The following TMEM41B variants were observed in gnomAD, a reference collection of about 807,000 sequenced individuals.
The protein encoded by TMEM41B is transmembrane protein 41B.
TMEM41B carries 18 observed loss-of-function variants against 31.9 expected under a neutral mutation model. The observed-to-expected ratio is 0.56, with a 90% CI of 0.39 to 0.84. The LOEUF (loss-of-function observed/expected upper bound fraction) is 0.84. Among genes scored for constraint, TMEM41B ranks in the 40% least tolerant of loss-of-function variants. The pLI, the probability that TMEM41B is intolerant of heterozygous loss-of-function variation, is 0.00. For missense variants in TMEM41B, 322 were observed against 348.0 expected, an observed-to-expected ratio of 0.93 and a Z score of 0.59; for synonymous variants, 144 against 124.3, an observed-to-expected ratio of 1.16 and a Z score of -1.05.
rs777066532 is a variant in TMEM41B at position 9,288,504 on chromosome 11, A to G, written c.400T>C (p.Phe134Leu). 1.3e-6 allele frequency: 2 copies of G among 1,594,180 alleles called. No individual in the cohort carries two copies. Among genetic ancestry groups the G allele is most frequent in the Admixed American group, 3.5e-5 (2 of 56,444 alleles). The change falls in exon 4 of 7, where the codon TTT (phenylalanine) becomes CTT (leucine). Residue 134 changes from phenylalanine (F) to leucine (L), a missense_variant. Around this residue, in one of 3 missense-constraint regions of TMEM41B, gnomAD observed 183 missense variants for 175.3 expected, o/e 1.04. Transcript: ENST00000528080. ...LQTFAIPGSIFLSILSGFLYP... is the reference protein window; with the variant it reads ...LQTFAIPGSILLSILSGFLYP... The stretch of plus-strand genomic sequence containing the variant: ...AGAAACCCTGAGAGTATACTGAGAA[A>G]TATAGAGCCTGGAATAGCAAATGTT...
rs1401210649 is a variant in TMEM41B at position 9,295,290 on chromosome 11, C to T, written c.337G>A (p.Val113Ile). The change falls in exon 3 of 7, where the codon GTA becomes ATA. Residue 113 changes from valine to isoleucine, a missense_variant. Coordinates refer to ENST00000528080, the MANE Select transcript of TMEM41B (RefSeq NM_015012.4). Reference sequence around the variant, plus strand: ...TATGTAGCAAAATAAGCTACAAGTACTTGAACATAAAAGGTGTCCTTGTAT... The same window carrying T: ...TATGTAGCAAAATAAGCTACAAGTATTTGAACATAAAAGGTGTCCTTGTAT... ...SKYKDTFYVQ[V>I]LVAYFATYIF... is the part of the protein sequence containing the mutation. 1 of 1,584,262 alleles carries T rather than the reference C, an allele frequency of 6.3e-7. No individual in the cohort carries two copies. The highest frequency in any genetic ancestry group is 8.6e-7 in the Non-Finnish European group (1 of 1,160,174).
chr11:9,295,117 AT>A (rs1853051943), intron 3 of TMEM41B, 141 bp downstream of exon 3: 1 of 1,057,542 alleles, frequency 9.5e-7, no homozygotes, highest in African/African-American at 1.7e-5. Flanking sequence ...ATTTTTTTCC[AT>A]TTTAATTTTT....
At position 9,299,665 on chromosome 11, in the gene TMEM41B, G is replaced by A. The variant is rs989467311; in HGVS notation, c.158C>T (p.Ser53Leu). ...GAAAATGGACACCAATATAAGGAGT[G>A]ACATTCTTGCTGATCCAGCTTCTAC... Reference protein sequence around the residue: ...SWVEAGSARMSLLILVSIFLS... With the variant: ...SWVEAGSARMLLLILVSIFLS... Residue 53 changes from serine (S) to leucine (L), a missense_variant, in exon 2 of 7, where the codon TCA becomes TTA. By Grantham distance (145) the Ser-to-Leu change is moderately radical. This residue lies in a region of TMEM41B where 183 missense variants were observed against 175.3 expected (regional missense o/e 1.04). Coordinates refer to ENST00000528080, the MANE Select transcript of TMEM41B (RefSeq NM_015012.4). The A allele has an allele frequency of 6.2e-7, 1 of 1,612,950 alleles. No homozygotes were observed. The highest frequency in any genetic ancestry group is 8.5e-7 in the Non-Finnish European group (1 of 1,179,790).
intron 1 of TMEM41B, among the ~76,000 whole-genome samples, chr11:9,313,127 T>A (rs1398549380): frequency 1.3e-5 from 2 of 152,162 alleles, no homozygotes; most frequent in Non-Finnish European, 2.9e-5. Context: ...TGGAATATTG[T>A]CACCCTCAGT....
intron 6 of TMEM41B, among the ~76,000 whole-genome samples, chr11:9,285,652 TTTG>T (rs1852819815): frequency 6.6e-6 from 1 of 152,072 alleles, no homozygotes; most frequent in African/African-American, 2.4e-5. Flanking sequence ...AGCAAGAAAG[TTTG>T]TTGATCCTTG....
intron 1 of TMEM41B, among the ~76,000 whole-genome samples, chr11:9,303,642 T>C (rs1364874271): frequency 7.0e-6 from 1 of 143,806 alleles, no homozygotes; most frequent in African/African-American, 2.6e-5. Context: ...GTCCCTATTA[T>C]TCTTTTTCTT....
At chr11:9,311,151 G>A in intron 1 of TMEM41B, 1 of 1,062,562 alleles carries the variant, frequency 9.4e-7, no homozygotes, top group Non-Finnish European at 1.3e-6. Flanking sequence ...TCAACAGCAG[G>A]GTGAAGCTCA....
At chr11:9,286,046 C>G (rs960096222) in intron 6 of TMEM41B, among the ~76,000 whole-genome samples, 7 of 152,034 alleles carry the variant, frequency 4.6e-5, no homozygotes, top group Non-Finnish European at 8.8e-5. Context: ...ACCCGGGAGG[C>G]GGAGATTGCA....
chr11:9,286,942 A>G (rs4644643), intron 5 of TMEM41B, among the ~76,000 whole-genome samples: 144,085 of 152,020 alleles, frequency 0.95, 68,726 homozygotes, highest in East Asian at 1. Context: ...AGAGGTTGCA[A>G]TGAGCCAAGA....
rs996298444 is a variant in TMEM41B, at chr11:9,282,221, C to G, written c.*1203G>C. On this transcript the variant is annotated 3_prime_UTR_variant, in exon 7 of 7. Coordinates refer to ENST00000528080, the MANE Select transcript of TMEM41B (RefSeq NM_015012.4). ...GGTGAAACCCCGTCTCTACTAAAAA[C>G]ACAAAAATTAGCTGGGCACGGTGGC... is the stretch of plus-strand genomic sequence containing the variant. 1 of 151,556 alleles carries G rather than the reference C, an allele frequency of 6.6e-6. No homozygotes were observed. The highest frequency in any genetic ancestry group is 6.6e-5 in the Admixed American group (1 of 15,188). The allele number at this position is 151,556 out of a possible 1,614,324, so 9.4% of individuals were successfully genotyped here.
intron 1 of TMEM41B, among the ~76,000 whole-genome samples, chr11:9,301,084 C>G (rs1853244156): frequency 6.6e-6 from 1 of 151,972 alleles, no homozygotes; most frequent in Non-Finnish European, 1.5e-5. Flanking sequence ...TGATAATACT[C>G]AAGAGTATTT....
In TMEM41B at chr11:9,283,177, A is replaced by C. The variant is rs958759442; in HGVS notation, c.*247T>G. The C allele has an allele frequency of 3.3e-6, 1 of 301,194 alleles. No individual in the cohort carries two copies. The highest frequency in any genetic ancestry group is 6.0e-6 in the Non-Finnish European group (1 of 166,690). The allele number at this position is 301,194 out of a possible 1,614,324, so 18.7% of individuals were successfully genotyped here. On this transcript the variant is annotated 3_prime_UTR_variant, in exon 7 of 7. Coordinates refer to ENST00000528080, the MANE Select transcript of TMEM41B (RefSeq NM_015012.4). ...TATTATCTACAGCTACCCTTGGTATAATAATTTATAAGATGTCTAAGATGT... is the reference window on the plus strand; with the variant it reads ...TATTATCTACAGCTACCCTTGGTATCATAATTTATAAGATGTCTAAGATGT...
chr11:9,298,823 C>A, intron 2 of TMEM41B, among the ~76,000 whole-genome samples: 1 of 151,736 alleles, frequency 6.6e-6, no homozygotes, highest in Non-Finnish European at 1.5e-5. Flanking sequence ...GAAAACATGA[C>A]CTTCCTGATA....
intron 1 of TMEM41B, among the ~76,000 whole-genome samples, chr11:9,303,678 G>C (rs1275419437): frequency 8.6e-6 from 1 of 115,894 alleles, no homozygotes; most frequent in Non-Finnish European, 1.7e-5. Context: ...TTTTGAGACA[G>C]AGTCTTGCTC....
chr11:9,312,377 C>T lies in TMEM41B; in HGVS notation c.121+1944G>A, dbSNP rs76213681. Reference sequence around the variant, plus strand: ...ATTAGCTGAGCATGGTGGCACACACCTGTAGTCAGCTATTTGAGGGGGCTG... The same window carrying T: ...ATTAGCTGAGCATGGTGGCACACACTTGTAGTCAGCTATTTGAGGGGGCTG... On this transcript the variant is annotated intron_variant, in intron 1 of 6. Transcript: ENST00000528080. 8.9e-3 allele frequency among the ~76,000 whole-genome samples: 1,348 copies of T among 152,294 alleles called. 16 individuals carry two copies. Among genetic ancestry groups the T allele is most frequent in the African/African-American group, 0.031 (1,292 of 41,560 alleles).
chr11:9,292,470 T>A (rs1363036978), intron 3 of TMEM41B, among the ~76,000 whole-genome samples: 1 of 152,118 alleles, frequency 6.6e-6, no homozygotes, highest in Non-Finnish European at 1.5e-5. Flanking sequence ...CTAAAACGTT[T>A]CCACATATTT....
chr11:9,299,349 T>TACACACAC (rs1387903197), intron 2 of TMEM41B, among the ~76,000 whole-genome samples: 1 of 69,574 alleles, frequency 1.4e-5, no homozygotes, highest in African/African-American at 4.4e-5. Context: ...CACACACGTG[T>TACACACAC]GTGTATATAA....
chr11:9,287,133 CT>C (rs1408988812), intron 5 of TMEM41B, among the ~76,000 whole-genome samples: 2 of 152,026 alleles, frequency 1.3e-5, no homozygotes, highest in Non-Finnish European at 2.9e-5. Flanking sequence ...TGGTAAAACC[CT>C]GTCTCTACTA....
intron 1 of TMEM41B, among the ~76,000 whole-genome samples, chr11:9,300,728 A>C (rs1471042391): frequency 6.6e-6 from 1 of 151,830 alleles, no homozygotes. Flanking sequence ...AATACAAAAA[A>C]TTAGCTGGGC....
Sources: gnomAD v4.1 joint callset for allele counts (sites outside exome capture counted in the v4.1 genomes callset) on GRCh38, gnomAD v4.1.1 for gene constraint, gnomAD v4.1.1 regional missense constraint, MANE v1.5 for transcripts, NCBI Gene and HGNC (gene_info 2026-07-23, HGNC 2026-07-21) for gene names.